CACNG3: variants seen among roughly 807,000 people sequenced by gnomAD.
The protein encoded by CACNG3 is voltage-dependent calcium channel gamma-3 subunit.
CACNG3 carries 3 observed loss-of-function variants against 28.5 expected under a neutral mutation model. The observed-to-expected ratio is 0.11, with a 90% confidence interval of 0.05 to 0.27. CACNG3 has a LOEUF of 0.27. Ranked by LOEUF, CACNG3 falls within the 10% of genes least tolerant of loss-of-function variation. CACNG3 has a pLI of 1.00. For missense variants in CACNG3, 236 were observed against 414.4 expected, an observed-to-expected ratio of 0.57 and a Z score of 3.74; for synonymous variants, 174 against 162.2, an observed-to-expected ratio of 1.07 and a Z score of -0.55.
At chr16:24,321,057 A>T (rs1028578419) in intron 1 of CACNG3, among the ~76,000 whole-genome samples, 2 of 152,114 alleles carry the variant, frequency 1.3e-5, no homozygotes, top group Non-Finnish European at 2.9e-5. Flanking sequence ...TAAACTGCAC[A>T]CTGTTCTGAG....
intron 1 of CACNG3, among the ~76,000 whole-genome samples, chr16:24,290,608 T>G (rs1898953854): frequency 6.6e-6 from 1 of 152,160 alleles, no homozygotes; most frequent in Admixed American, 6.6e-5. Flanking sequence ...GGTTATTTAT[T>G]TATTTATTTA....
intron 1 of CACNG3, among the ~76,000 whole-genome samples, chr16:24,291,547 A>G (rs1324212490): frequency 6.6e-6 from 1 of 152,168 alleles, no homozygotes; most frequent in Non-Finnish European, 1.5e-5. Flanking sequence ...GGCTGAATGA[A>G]AGGCCACTTC....
intron 1 of CACNG3, among the ~76,000 whole-genome samples, chr16:24,259,016 T>C (rs1235250887): frequency 6.6e-6 from 1 of 152,218 alleles, no homozygotes; most frequent in Non-Finnish European, 1.5e-5. Flanking sequence ...GTACAAGGAA[T>C]TGAAACCCCA....
intron 1 of CACNG3, among the ~76,000 whole-genome samples, chr16:24,281,391 A>C (rs1898825691): frequency 6.6e-6 from 1 of 151,308 alleles, no homozygotes; most frequent in Admixed American, 6.6e-5. Flanking sequence ...TTTTTGGTAG[A>C]GACAGGGGTC....
chr16:24,327,541 G>C (rs1899573182), intron 1 of CACNG3, among the ~76,000 whole-genome samples: 2 of 148,820 alleles, frequency 1.3e-5, no homozygotes, highest in Admixed American at 6.8e-5. Flanking sequence ...GATCGTTTGA[G>C]CTCAGGAGTT....
intron 2 of CACNG3, among the ~76,000 whole-genome samples, chr16:24,347,437 A>C (rs1899884948): frequency 6.6e-6 from 1 of 152,166 alleles, no homozygotes; most frequent in Non-Finnish European, 1.5e-5. Context: ...TCAAAACTGA[A>C]AGGTTCTTTT....
At chr16:24,292,898 C>G (rs1374066226) in intron 1 of CACNG3, among the ~76,000 whole-genome samples, 1 of 152,092 alleles carries the variant, frequency 6.6e-6, no homozygotes, top group Admixed American at 6.5e-5. Context: ...AGGAAAGAAC[C>G]AGAGAGGATG....
chr16:24,293,608 T>C (rs1158403705), intron 1 of CACNG3, among the ~76,000 whole-genome samples: 1 of 152,140 alleles, frequency 6.6e-6, no homozygotes, highest in African/African-American at 2.4e-5. Flanking sequence ...CCCGCCCTCA[T>C]TTATAAAACT....
Position 24,340,330 on chromosome 16 carries a change from C to T in CACNG3, c.212-6404C>T, listed in dbSNP as rs190727631. Reference sequence around the variant, plus strand: ...GGAGGATCACTTGAGCCCAAAACGTCGAGGCTTCAGTGAGCCATAAGCATG... The same window carrying T: ...GGAGGATCACTTGAGCCCAAAACGTTGAGGCTTCAGTGAGCCATAAGCATG... On this transcript the variant is annotated intron_variant, in intron 1 of 3. Coordinates refer to ENST00000005284, the MANE Select transcript of CACNG3 (RefSeq NM_006539.4). 1.7e-3 allele frequency among the ~76,000 whole-genome samples: 258 copies of T among 152,164 alleles called. 3 individuals are homozygous for T. The highest frequency in any genetic ancestry group is 2.5e-4 in the Non-Finnish European group (17 of 68,008).
chr16:24,292,228 G>A (rs920579103), intron 1 of CACNG3, among the ~76,000 whole-genome samples: 3 of 152,106 alleles, frequency 2.0e-5, no homozygotes, highest in Admixed American at 6.5e-5. Context: ...TTTTTCAATC[G>A]TTCCTCAAGG....
rs112259695 is a variant in CACNG3 at position 24,306,198 on chromosome 16, C to G, written c.212-40536C>G. Reference sequence around the variant, plus strand: ...CACCAGTGGGCTTTTCTTGGAGCCACCGTGTGGTCACTGCCTTTGGATTTC... The same window carrying G: ...CACCAGTGGGCTTTTCTTGGAGCCAGCGTGTGGTCACTGCCTTTGGATTTC... On this transcript the variant is annotated intron_variant, in intron 1 of 3. Coordinates refer to ENST00000005284, the MANE Select transcript of CACNG3 (RefSeq NM_006539.4). Among the ~76,000 whole-genome samples the G allele has an allele frequency of 1.2e-3, 177 of 152,304 alleles. 1 individual carries two copies. The highest frequency in any genetic ancestry group is 3.9e-3 in the African/African-American group (161 of 41,558).
chr16:24,354,714 A>T, intron 2 of CACNG3, 119 bp from the exon 3 acceptor site: 1 of 982,652 alleles, frequency 1.0e-6, no homozygotes, highest in Non-Finnish European at 1.5e-6. Flanking sequence ...TGCCCGTGTT[A>T]GACATGGGCT....
intron 1 of CACNG3, among the ~76,000 whole-genome samples, chr16:24,316,722 C>T (rs746763165): frequency 6.6e-6 from 1 of 152,220 alleles, no homozygotes; most frequent in African/African-American, 2.4e-5. Context: ...TGTCCCTTCC[C>T]CACCCTTGGC....
intron 2 of CACNG3, among the ~76,000 whole-genome samples, chr16:24,349,280 C>T (rs149877259): frequency 1.9e-3 from 283 of 152,248 alleles, no homozygotes; most frequent in Non-Finnish European, 2.8e-3. Flanking sequence ...GCAGTGTTAC[C>T]GGAAAGGGGT....
intron 1 of CACNG3, among the ~76,000 whole-genome samples, chr16:24,310,330 A>G (rs905302609): frequency 4.6e-5 from 7 of 152,108 alleles, no homozygotes; most frequent in African/African-American, 1.2e-4. Flanking sequence ...TTGGGAGGCC[A>G]AGGTGGGCGG....
intron 1 of CACNG3, among the ~76,000 whole-genome samples, chr16:24,330,604 C>T (rs143238249): frequency 2.4e-4 from 36 of 152,246 alleles, no homozygotes; most frequent in African/African-American, 8.7e-4. Context: ...TAGGTAGGTG[C>T]CCAGGAATGC....
chr16:24,340,387 G>T (rs956927901), intron 1 of CACNG3, among the ~76,000 whole-genome samples: 2 of 152,100 alleles, frequency 1.3e-5, no homozygotes, highest in African/African-American at 4.8e-5. Context: ...AACAGAGCGA[G>T]ACCCCGTCTC....
At chr16:24,336,332 C>G (rs368691584) in intron 1 of CACNG3, among the ~76,000 whole-genome samples, 12 of 150,174 alleles carry the variant, frequency 8.0e-5, no homozygotes, top group African/African-American at 2.9e-4. Flanking sequence ...ACTGTAGTGG[C>G]GTGATCTCAG....
intron 2 of CACNG3, among the ~76,000 whole-genome samples, chr16:24,347,310 C>T (rs896297686): frequency 2.0e-5 from 3 of 151,432 alleles, no homozygotes; most frequent in Admixed American, 6.6e-5. Flanking sequence ...AGAGTGAGAC[C>T]CTGTCTCTGA....
Sources: allele counts gnomAD v4.1 joint callset (sites outside exome capture counted in the v4.1 genomes callset), GRCh38; gene constraint gnomAD v4.1.1; transcripts MANE v1.5; gene names NCBI Gene and HGNC (gene_info 2026-07-23, HGNC 2026-07-21).